Variants in MRTFA observed in about 807,000 individuals in gnomAD.
The protein encoded by MRTFA is myocardin-related transcription factor A.
In MRTFA, 20 loss-of-function variants were observed where a neutral mutation model predicts 83.5. That is an observed-to-expected ratio of 0.24 (90% confidence interval 0.17 to 0.35). The LOEUF (loss-of-function observed/expected upper bound fraction) is 0.35, where lower values mean the gene tolerates loss of function less well. MRTFA is among the 10% of genes least tolerant of loss of function. The pLI, the probability that MRTFA is intolerant of heterozygous loss-of-function variation, is 1.00. For missense variants in MRTFA, 1,200 were observed against 1,224.7 expected, an observed-to-expected ratio of 0.98 and a Z score of 0.30; for synonymous variants, 659 against 541.2, an observed-to-expected ratio of 1.22 and a Z score of -3.02.
chr22:40,461,622 A>G (rs2053714288), intron 4 of MRTFA, among the ~76,000 whole-genome samples: 1 of 123,214 alleles, frequency 8.1e-6, no homozygotes, highest in East Asian at 2.1e-4. Flanking sequence ...GTCTCTACTA[A>G]AAATACAAAA....
At chr22:40,601,466 C>A (rs945085890) in intron 1 of MRTFA, among the ~76,000 whole-genome samples, 6 of 152,162 alleles carry the variant, frequency 3.9e-5, no homozygotes, top group Admixed American at 1.3e-4. Flanking sequence ...GCCTTGACCT[C>A]CTAAAGTGCT....
intron 2 of MRTFA, among the ~76,000 whole-genome samples, chr22:40,565,768 G>A (rs986071557): frequency 5.9e-5 from 9 of 152,178 alleles, no homozygotes; most frequent in Admixed American, 5.2e-4. Flanking sequence ...GTGCCTGGGG[G>A]CCAGGTGGCT....
chr22:40,459,848 T>TATATATAC (rs2053676576), intron 4 of MRTFA, among the ~76,000 whole-genome samples: 1 of 139,470 alleles, frequency 7.2e-6, no homozygotes, highest in South Asian at 2.4e-4. Context: ...TATATATATA[T>TATATATAC]ATATATATAT....
intron 5 of MRTFA, among the ~76,000 whole-genome samples, chr22:40,434,326 C>A (rs563620667): frequency 1.3e-5 from 2 of 150,726 alleles, no homozygotes; most frequent in Non-Finnish European, 2.9e-5. Context: ...ATTCTTTCCA[C>A]TTACTCTAAG....
At chr22:40,576,186 G>A (rs532255438) in intron 2 of MRTFA, among the ~76,000 whole-genome samples, 11 of 151,748 alleles carry the variant, frequency 7.2e-5, no homozygotes, top group Middle Eastern at 3.2e-3. Context: ...GCGCCACCAC[G>A]CTCAGCTAAT....
chr22:40,550,259 T>C (rs1040022122), intron 3 of MRTFA, among the ~76,000 whole-genome samples: 9 of 151,850 alleles, frequency 5.9e-5, no homozygotes, highest in African/African-American at 1.7e-4. Flanking sequence ...TCCCAAAGGG[T>C]TTTTTTGTTG....
chr22:40,530,893 TAAAAGC>T (rs2055067916), intron 3 of MRTFA, among the ~76,000 whole-genome samples: 1 of 152,232 alleles, frequency 6.6e-6, no homozygotes, highest in Non-Finnish European at 1.5e-5. Flanking sequence ...AATCTTGATT[TAAAAGC>T]TTATACTTAT....
chr22:40,595,841 G>T (rs1409490996), intron 1 of MRTFA, among the ~76,000 whole-genome samples: 1 of 138,856 alleles, frequency 7.2e-6, no homozygotes, highest in Non-Finnish European at 1.5e-5. Flanking sequence ...AACAGAGACA[G>T]AATCAATGGT....
At position 40,420,508 on chromosome 22, in the gene MRTFA, C is replaced by T. The variant is rs1415390962; in HGVS notation, c.1250G>A (p.Ser417Asn). The T allele has an allele frequency of 1.2e-6, 2 of 1,613,804 alleles. No individual in the cohort carries two copies. The highest frequency in any genetic ancestry group is 1.7e-5 in the Admixed American group (1 of 60,034). ...GGGCCCAGGGGCGCCCGAGCTGGAG[C>T]TGCTATTGGTAGTGGAGAGGCTGCG... is the stretch of plus-strand genomic sequence containing the variant. Residue 417 changes from serine (S) to asparagine (N), a missense_variant, in exon 11 of 15, where the codon AGC becomes AAC. By Grantham distance (46) the Ser-to-Asn change is conservative. This residue lies in a region of MRTFA where 1,107 missense variants were observed against 1,041.8 expected (regional missense o/e 1.06). Transcript: ENST00000355630.
At chr22:40,518,717 C>T (rs2054804481) in intron 3 of MRTFA, among the ~76,000 whole-genome samples, 1 of 148,788 alleles carries the variant, frequency 6.7e-6, no homozygotes, top group Admixed American at 6.7e-5. Flanking sequence ...ATGGCGTGAA[C>T]CCAGGATGCG....
At chr22:40,470,247 ATATAT>A (rs2053879651) in intron 3 of MRTFA, among the ~76,000 whole-genome samples, 1 of 39,448 alleles carries the variant, frequency 2.5e-5, no homozygotes, top group South Asian at 7.1e-4. Context: ...ATATATATAT[ATATAT>A]ATATATATAT....
chr22:40,425,324 G>A (rs1231548242), intron 7 of MRTFA, among the ~76,000 whole-genome samples: 1 of 152,250 alleles, frequency 6.6e-6, no homozygotes, highest in East Asian at 1.9e-4. Context: ...GGCAGGTTCT[G>A]AGCTGATCTG....
At chr22:40,534,140 G>A (rs192257109) in intron 3 of MRTFA, among the ~76,000 whole-genome samples, 3 of 152,308 alleles carry the variant, frequency 2.0e-5, no homozygotes, top group East Asian at 3.9e-4. Flanking sequence ...TGGGGAAGAA[G>A]ATTAAACACA....
intron 7 of MRTFA, among the ~76,000 whole-genome samples, chr22:40,426,093 G>A (rs1283675062): frequency 1.3e-5 from 2 of 152,174 alleles, no homozygotes; most frequent in African/African-American, 2.4e-5. Flanking sequence ...TGAGGGGCCT[G>A]GAGGAAGGGT....
At chr22:40,484,855 G>C (rs1418647905) in intron 3 of MRTFA, among the ~76,000 whole-genome samples, 2 of 151,774 alleles carry the variant, frequency 1.3e-5, no homozygotes, top group Non-Finnish European at 2.9e-5. Flanking sequence ...GGCGGATCAC[G>C]AGGTCAGGAG....
intron 3 of MRTFA, among the ~76,000 whole-genome samples, chr22:40,463,729 G>A (rs897472036): frequency 1.1e-4 from 16 of 152,254 alleles, no homozygotes; most frequent in Middle Eastern, 6.8e-3. Flanking sequence ...CACAGATCAG[G>A]AAGTACTATT....
intron 6 of MRTFA, among the ~76,000 whole-genome samples, chr22:40,430,093 C>T (rs2053037252): frequency 1.3e-5 from 2 of 152,152 alleles, no homozygotes; most frequent in African/African-American, 4.8e-5. Flanking sequence ...TGCTGTGTTA[C>T]TGAGGCAATT....
intron 7 of MRTFA, 72 bp from the exon 8 acceptor site, chr22:40,424,453 GCAGGCCACAGGCAGAGTGCCTGGCCCA>G: frequency 6.7e-7 from 1 of 1,499,134 alleles, no homozygotes. Flanking sequence ...GGCCTGGCTC[GCAGGCCACAGGCAGAGTGCCTGGCCCA>G]CAGCCCACAT....
At chr22:40,429,807 G>C in intron 6 of MRTFA, 40 bp from the exon 7 acceptor site, 2 of 1,562,892 alleles carry the variant, frequency 1.3e-6, no homozygotes, top group Non-Finnish European at 1.7e-6. Context: ...AGATATATGA[G>C]TGGACGTGGT....
Sources: gnomAD v4.1 joint callset for allele counts (sites outside exome capture counted in the v4.1 genomes callset) on GRCh38, gnomAD v4.1.1 for gene constraint, gnomAD v4.1.1 regional missense constraint, MANE v1.5 for transcripts, NCBI Gene and HGNC (gene_info 2026-07-23, HGNC 2026-07-21) for gene names.